SHTN1: variants seen among roughly 807,000 people sequenced by gnomAD.
SHTN1 encodes shootin-1.
SHTN1 carries 42 observed loss-of-function variants against 83.1 expected under a neutral mutation model. The ratio of observed to expected loss-of-function variants is 0.51; its 90% CI spans 0.39 to 0.65. The LOEUF (loss-of-function observed/expected upper bound fraction) is 0.65. Ranked by LOEUF, SHTN1 falls within the 30% of genes least tolerant of loss-of-function variation. The pLI is 0.00. For missense variants in SHTN1, 622 were observed against 737.8 expected, an observed-to-expected ratio of 0.84 and a Z score of 1.82; for synonymous variants, 224 against 247.7, an observed-to-expected ratio of 0.90 and a Z score of 0.90.
At chr10:116,953,983 C>T in intron 5 of SHTN1, 59 bp downstream of exon 5, 1 of 1,390,504 alleles carries the variant, frequency 7.2e-7, no homozygotes, top group Non-Finnish European at 9.8e-7. Context: ...AGTCAGGGTT[C>T]AGAAGCACTA....
rs1311755308 is a variant in SHTN1 at position 116,899,546 on chromosome 10, T to TGTGTGTGTGTGA, written c.1673+2218_1673+2219insTCACACACACAC. Among the ~76,000 whole-genome samples, 158 of 123,886 alleles carry TGTGTGTGTGTGA rather than the reference T, an allele frequency of 1.3e-3. 1 individual carries two copies. The highest frequency in any genetic ancestry group is 4.5e-3 in the African/African-American group (156 of 34,440). The allele number at this position is 123,886 out of a possible 152,430, so 81.3% of individuals were successfully genotyped here. ...GTGTGTGTGTGTGTGTGTGTGTGTGTGAGAGAGTGCATGCATACATATGTT... is the reference window on the plus strand; with the variant it reads ...GTGTGTGTGTGTGTGTGTGTGTGTGTGTGTGTGTGTGAGAGAGAGTGCATGCATACATATGTT... On this transcript the variant is annotated intron_variant, in intron 16 of 16. Transcript: ENST00000355371.
intron 3 of SHTN1, among the ~76,000 whole-genome samples, chr10:116,965,758 G>A (rs957657988): frequency 6.6e-6 from 1 of 152,186 alleles, no homozygotes; most frequent in Non-Finnish European, 1.5e-5. Flanking sequence ...GCCAGGTACA[G>A]TGTTAAGCAT....
chr10:117,086,867 T>C (rs1221824326), intron 1 of SHTN1, among the ~76,000 whole-genome samples: 2 of 152,174 alleles, frequency 1.3e-5, no homozygotes, highest in African/African-American at 4.8e-5. Context: ...TCCATCAATA[T>C]ATGAGTGGAT....
At chr10:116,914,567 A>G (rs988239993) in intron 13 of SHTN1, among the ~76,000 whole-genome samples, 2 of 152,084 alleles carry the variant, frequency 1.3e-5, no homozygotes, top group African/African-American at 4.8e-5. Context: ...GGCAGCCTTG[A>G]GAGGGAGAAA....
chr10:117,120,754 T>C (rs1437272913), intron 1 of SHTN1, among the ~76,000 whole-genome samples: 1 of 151,920 alleles, frequency 6.6e-6, no homozygotes, highest in Non-Finnish European at 1.5e-5. Context: ...TATTTCAAAA[T>C]AGCTAGAAGA....
At chr10:116,988,549 ATTTAT>A (rs1851307025) in intron 1 of SHTN1, among the ~76,000 whole-genome samples, 1 of 140,418 alleles carries the variant, frequency 7.1e-6, no homozygotes, top group South Asian at 2.3e-4. Flanking sequence ...TTATTTATTT[ATTTAT>A]TTTATTATTT....
chr10:117,068,673 A>T (rs557827107), intron 1 of SHTN1, among the ~76,000 whole-genome samples: 5 of 152,276 alleles, frequency 3.3e-5, no homozygotes, highest in Admixed American at 6.5e-5. Context: ...CCATTACTTA[A>T]TGACATTAAA....
intron 16 of SHTN1, among the ~76,000 whole-genome samples, chr10:116,893,576 G>GCACA (rs6144113): frequency 7.3e-5 from 9 of 123,592 alleles, no homozygotes; most frequent in Admixed American, 1.7e-4. Flanking sequence ...GCACTCATGT[G>GCACA]CACACACACA....
At chr10:117,014,017 TTC>T (rs1206142051) in intron 2 of SHTN1, among the ~76,000 whole-genome samples, 5 of 152,162 alleles carry the variant, frequency 3.3e-5, no homozygotes, top group Non-Finnish European at 7.4e-5. Flanking sequence ...CTTGAATGCA[TTC>T]TGTTAAATTT....
intron 2 of SHTN1, chr10:116,974,091 AT>A: frequency 1.9e-6 from 2 of 1,073,716 alleles, no homozygotes; most frequent in Non-Finnish European, 2.3e-6. Context: ...TTTCCCTCCA[AT>A]TTTCACAGGC....
At chr10:117,123,465 G>A (rs951362438) in intron 1 of SHTN1, among the ~76,000 whole-genome samples, 4 of 152,178 alleles carry the variant, frequency 2.6e-5, no homozygotes, top group African/African-American at 4.8e-5. Flanking sequence ...AAAAGGTAGT[G>A]AGTAATTAAC....
intron 6 of SHTN1, 66 bp downstream of exon 6, chr10:116,951,838 TCTTAA>T: frequency 8.6e-6 from 7 of 812,268 alleles, no homozygotes; most frequent in Non-Finnish European, 1.2e-5. Context: ...AATATTAAGT[TCTTAA>T]CTTAGCAAAT....
chr10:117,055,226 CT>C (rs1211920524), intron 1 of SHTN1, among the ~76,000 whole-genome samples: 4 of 152,180 alleles, frequency 2.6e-5, no homozygotes, highest in African/African-American at 9.7e-5. Flanking sequence ...AGTCCCTCCC[CT>C]GACACATGGG....
intron 2 of SHTN1, among the ~76,000 whole-genome samples, chr10:117,029,022 G>A (rs551575767): frequency 6.4e-4 from 97 of 152,314 alleles, no homozygotes; most frequent in Middle Eastern, 3.4e-3. Context: ...CTCAATGCCA[G>A]CCCATGAGAG....
chr10:116,989,869 T>A (rs1478997340), intron 1 of SHTN1, among the ~76,000 whole-genome samples: 1 of 152,202 alleles, frequency 6.6e-6, no homozygotes, highest in African/African-American at 2.4e-5. Context: ...GTTACAGGAG[T>A]CTGTCCCAAT....
intron 1 of SHTN1, among the ~76,000 whole-genome samples, chr10:117,076,205 T>C (rs1589921577): frequency 7.0e-6 from 1 of 142,422 alleles, no homozygotes; most frequent in Non-Finnish European, 1.5e-5. Context: ...AAAAAAAAGA[T>C]AATGTTAGAT....
At chr10:117,078,115 C>G (rs1293268180) in intron 1 of SHTN1, among the ~76,000 whole-genome samples, 3 of 152,142 alleles carry the variant, frequency 2.0e-5, no homozygotes, top group Non-Finnish European at 2.9e-5. Context: ...AATCATTATG[C>G]CCAGATCAGC....
intron 1 of SHTN1, among the ~76,000 whole-genome samples, chr10:117,096,996 C>G (rs1853510493): frequency 6.6e-6 from 1 of 151,374 alleles, no homozygotes; most frequent in African/African-American, 2.4e-5. Flanking sequence ...TACAAACACC[C>G]AAGCGCGCAC....
chr10:116,955,190 A>G (rs933968656), intron 4 of SHTN1, among the ~76,000 whole-genome samples: 23 of 150,118 alleles, frequency 1.5e-4, no homozygotes, highest in Non-Finnish European at 3.1e-4. Context: ...AACTTCAGTT[A>G]TTCAACTATT....
Sources: gnomAD v4.1 joint callset for allele counts (sites outside exome capture counted in the v4.1 genomes callset) on GRCh38, gnomAD v4.1.1 for gene constraint, MANE v1.5 for transcripts, NCBI Gene and HGNC (gene_info 2026-07-23, HGNC 2026-07-21) for gene names.